The following RBFOX1 variants were observed in gnomAD, a reference collection of about 807,000 sequenced individuals.
RBFOX1 encodes RNA binding protein fox-1 homolog 1.
A neutral mutation model predicts 57.7 loss-of-function variants in RBFOX1; 8 were observed. That is an observed-to-expected ratio of 0.14 (90% CI 0.08 to 0.25). The LOEUF (loss-of-function observed/expected upper bound fraction) is 0.25, where lower values mean the gene tolerates loss of function less well. Among genes scored for constraint, RBFOX1 ranks in the 10% least tolerant of loss-of-function variants. The pLI, the probability that RBFOX1 is intolerant of heterozygous loss-of-function variation, is 1.00. For synonymous variants in RBFOX1, 326 were observed against 222.4 expected (o/e 1.47, Z -4.15); for missense variants, 611 against 548.5 (o/e 1.11, Z -1.14).
At chr16:5,897,120 C>G (rs561044005) in intron 4 of RBFOX1, among the ~76,000 whole-genome samples, 34 of 150,376 alleles carry the variant, frequency 2.3e-4, no homozygotes, top group African/African-American at 8.1e-4. Flanking sequence ...ACTGCAAGCT[C>G]CGCTTCCCGG....
At chr16:7,554,183 G>C (rs565803967) in intron 5 of RBFOX1, among the ~76,000 whole-genome samples, 4 of 152,286 alleles carry the variant, frequency 2.6e-5, no homozygotes, top group African/African-American at 9.6e-5. Flanking sequence ...AAAACTAACA[G>C]TTTCAATTTA....
intron 1 of RBFOX1, among the ~76,000 whole-genome samples, chr16:5,277,777 C>T (rs574642985): frequency 2.0e-5 from 3 of 152,192 alleles, no homozygotes; most frequent in Admixed American, 6.5e-5. Context: ...TGGCCTAGTT[C>T]ACCTGACATT....
At chr16:7,680,954 G>A (rs781385590) in intron 14 of RBFOX1, among the ~76,000 whole-genome samples, 2 of 152,070 alleles carry the variant, frequency 1.3e-5, no homozygotes, top group Non-Finnish European at 2.9e-5. Flanking sequence ...GGACTTATAA[G>A]TGTTTTCAGG....
chr16:7,521,675 C>G (rs750185732), intron 5 of RBFOX1, among the ~76,000 whole-genome samples: 35 of 152,304 alleles, frequency 2.3e-4, no homozygotes, highest in African/African-American at 8.2e-4. Context: ...GTGCCAAATT[C>G]TAGCATATAG....
intron 3 of RBFOX1, among the ~76,000 whole-genome samples, chr16:5,828,603 G>T (rs1297345338): frequency 6.6e-6 from 1 of 152,168 alleles, no homozygotes. Context: ...GGAGGCCGAG[G>T]CAGGAGGATC....
intron 3 of RBFOX1, among the ~76,000 whole-genome samples, chr16:6,711,328 T>C (rs2063676063): frequency 2.0e-5 from 3 of 152,128 alleles, no homozygotes; most frequent in Admixed American, 1.3e-4. Flanking sequence ...GTCCTTGAAA[T>C]TTTTCACAAG....
chr16:6,520,247 G>A (rs12920258), intron 2 of RBFOX1, among the ~76,000 whole-genome samples: 18,355 of 152,164 alleles, frequency 0.12, 1,179 homozygotes, highest in African/African-American at 0.14. Flanking sequence ...AAAATTTAAA[G>A]CGATGTTGAA....
intron 2 of RBFOX1, among the ~76,000 whole-genome samples, chr16:6,349,908 C>T (rs910309826): frequency 6.6e-6 from 1 of 152,124 alleles, no homozygotes; most frequent in Admixed American, 6.6e-5. Context: ...GTGTCTTCTA[C>T]AGGGGATGCC....
intron 1 of RBFOX1, among the ~76,000 whole-genome samples, chr16:5,345,006 T>G (rs2065110101): frequency 6.6e-6 from 1 of 152,232 alleles, no homozygotes; most frequent in African/African-American, 2.4e-5. Context: ...CTCCCTGCCC[T>G]TTGCAGGCAC....
At position 6,707,190 on chromosome 16, in the gene RBFOX1, G is replaced by A. The variant is rs116944923; in HGVS notation, c.-16+52540G>A. Among the ~76,000 whole-genome samples, 66 of 152,128 alleles carry A rather than the reference G, an allele frequency of 4.3e-4. 1 individual carries two copies. The highest frequency in any genetic ancestry group is 3.1e-3 in the East Asian group (16 of 5,166). ...GTGCATACTATTTTGTTAACATGTCGTTTGATCATAGGAACAGATTTTGAA... is the reference window on the plus strand; with the variant it reads ...GTGCATACTATTTTGTTAACATGTCATTTGATCATAGGAACAGATTTTGAA... On this transcript the variant is annotated intron_variant, in intron 3 of 15. Coordinates refer to ENST00000550418, the MANE Select transcript of RBFOX1 (RefSeq NM_018723.4).
intron 4 of RBFOX1, among the ~76,000 whole-genome samples, chr16:7,212,140 T>C (rs1214821367): frequency 6.6e-6 from 1 of 152,210 alleles, no homozygotes; most frequent in African/African-American, 2.4e-5. Context: ...ATAGGATTCA[T>C]TGGCATGAGT....
At chr16:6,854,395 A>G (rs910665983) in intron 3 of RBFOX1, among the ~76,000 whole-genome samples, 1 of 152,064 alleles carries the variant, frequency 6.6e-6, no homozygotes, top group African/African-American at 2.4e-5. Context: ...TTATCTAAGG[A>G]ATATTTTATA....
chr16:6,778,743 A>G (rs2154220590), intron 3 of RBFOX1, among the ~76,000 whole-genome samples: 1 of 152,188 alleles, frequency 6.6e-6, no homozygotes, highest in Middle Eastern at 3.4e-3. Flanking sequence ...TCTTTTGTGA[A>G]AAATATGATT....
At chr16:5,611,931 GC>G (rs1349643368) in intron 3 of RBFOX1, among the ~76,000 whole-genome samples, 1 of 151,622 alleles carries the variant, frequency 6.6e-6, no homozygotes, top group African/African-American at 2.4e-5. Flanking sequence ...AATTAGACAA[GC>G]CTGGGCAACA....
chr16:7,226,398 T>C (rs1333205172), intron 4 of RBFOX1, among the ~76,000 whole-genome samples: 1 of 152,174 alleles, frequency 6.6e-6, no homozygotes, highest in Non-Finnish European at 1.5e-5. Flanking sequence ...AAGGGACTAA[T>C]GTCCACTACA....
chr16:5,623,143 T>G (rs909887964), intron 3 of RBFOX1, among the ~76,000 whole-genome samples: 3 of 152,160 alleles, frequency 2.0e-5, no homozygotes, highest in African/African-American at 7.2e-5. Context: ...AATCCCTGGC[T>G]TAGTCTAAAG....
At chr16:7,180,806 A>T (rs535142949) in intron 4 of RBFOX1, among the ~76,000 whole-genome samples, 2 of 151,624 alleles carry the variant, frequency 1.3e-5, no homozygotes, top group Admixed American at 6.5e-5. Context: ...TTAAGCATCA[A>T]GGTTAAAAAG....
At chr16:7,076,430 T>A (rs1171513086) in intron 4 of RBFOX1, among the ~76,000 whole-genome samples, 1 of 152,070 alleles carries the variant, frequency 6.6e-6, no homozygotes, top group Non-Finnish European at 1.5e-5. Flanking sequence ...AAGAGTCCCA[T>A]GCTTGAGAAA....
chr16:7,389,315 G>T (rs527762611), intron 4 of RBFOX1, among the ~76,000 whole-genome samples: 48 of 152,134 alleles, frequency 3.2e-4, no homozygotes, highest in Middle Eastern at 3.4e-3. Context: ...TGGTAGAGAC[G>T]AGGTCTTGCC....
Sources: allele counts gnomAD v4.1 joint callset (sites outside exome capture counted in the v4.1 genomes callset), GRCh38; gene constraint gnomAD v4.1.1; transcripts MANE v1.5; gene names NCBI Gene and HGNC (gene_info 2026-07-23, HGNC 2026-07-21).